Variants in ADAM28 observed in about 807,000 individuals in gnomAD.
ADAM28 encodes disintegrin and metalloproteinase domain-containing protein 28.
Under a neutral mutation model 101.2 loss-of-function variants are expected in ADAM28, and 105 were observed. The observed-to-expected ratio is 1.04, with a 90% CI of 0.89 to 1.22. The LOEUF is 1.22. ADAM28 is among the 50% of genes most tolerant of loss of function. ADAM28 has a pLI of 0.00. For missense variants in ADAM28, 1,028 were observed against 945.4 expected (o/e 1.09, Z -1.15); for synonymous variants, 322 against 310.6 (o/e 1.04, Z -0.39).
rs190280554 is a variant in ADAM28, at chr8:24,353,598, C to T, written c.2245-172C>T. On this transcript the variant is annotated intron_variant, in intron 21 of 22. Coordinates refer to ENST00000265769, the MANE Select transcript of ADAM28 (RefSeq NM_014265.6). ...CGGGCTTGGAGTGGTTAAAGTAGGA[C>T]GAATATTCATTGGTTGAGTAGTTGG... Among the ~76,000 whole-genome samples, 513 of 151,992 alleles carry T rather than the reference C, an allele frequency of 3.4e-3. 10 individuals are homozygous for T. Among genetic ancestry groups the T allele is most frequent in the Admixed American group, 0.028 (427 of 15,250 alleles).
intron 8 of ADAM28, 83 bp downstream of exon 8, chr8:24,321,372 T>A: frequency 3.4e-6 from 4 of 1,162,858 alleles, no homozygotes; most frequent in Non-Finnish European, 5.2e-6. Flanking sequence ...ACATGAAGCA[T>A]GGAAGCAAAG....
chr8:24,332,569 A>G, intron 12 of ADAM28, 91 bp from the exon 13 acceptor site: 1 of 610,196 alleles, frequency 1.6e-6, no homozygotes, highest in Non-Finnish European at 2.6e-6. Context: ...CGAAAGTAAC[A>G]TATGCCTGAT....
chr8:24,331,203 T>G lies in ADAM28; in HGVS notation c.1157T>G (p.Phe386Cys). ...SSCSRLSYDKFFEDKLSNCLF... is the reference protein window; with the variant it reads ...SSCSRLSYDKCFEDKLSNCLF... Reference sequence around the variant, plus strand: ...TGCAGCCGTCTCAGCTATGACAAGTTTTTTGAAGATAAATTATCAAATTGC... The same window carrying G: ...TGCAGCCGTCTCAGCTATGACAAGTGTTTTGAAGATAAATTATCAAATTGC... Residue 386 changes from phenylalanine to cysteine, a missense_variant, in exon 12 of 23, where the codon TTT becomes TGT. Physicochemically the swap from Phe to Cys is radical, Grantham distance 205. Transcript: ENST00000265769. 6.2e-7 allele frequency: 1 copy of G among 1,613,606 alleles called. No individual in the cohort carries two copies. The highest frequency in any genetic ancestry group is 8.5e-7 in the Non-Finnish European group (1 of 1,179,698).
intron 21 of ADAM28, among the ~76,000 whole-genome samples, chr8:24,352,973 T>A (rs1235431729): frequency 6.6e-6 from 1 of 152,162 alleles, no homozygotes. Context: ...ACCTGCTCAT[T>A]GCAAATACTG....
chr8:24,338,172 C>T (rs1243786257), intron 14 of ADAM28, among the ~76,000 whole-genome samples: 1 of 152,174 alleles, frequency 6.6e-6, no homozygotes, highest in Non-Finnish European at 1.5e-5. Context: ...TTTCAACCAG[C>T]ATTTTTTAAT....
At chr8:24,336,199 T>G in intron 14 of ADAM28, 1 of 969,334 alleles carries the variant, frequency 1.0e-6, no homozygotes, top group Non-Finnish European at 1.2e-6. Flanking sequence ...GCCAAAATTT[T>G]AGAGACCATA....
chr8:24,315,849 C>T (rs566178072), intron 6 of ADAM28, among the ~76,000 whole-genome samples: 1 of 151,858 alleles, frequency 6.6e-6, no homozygotes, highest in Non-Finnish European at 1.5e-5. Flanking sequence ...ACTGACTTAA[C>T]CTACACAAAT....
At chr8:24,337,323 A>G (rs1194034630) in intron 14 of ADAM28, among the ~76,000 whole-genome samples, 1 of 152,274 alleles carries the variant, frequency 6.6e-6, no homozygotes, top group Non-Finnish European at 1.5e-5. Flanking sequence ...GGCAAAAACC[A>G]GGAGAAAGAA....
At chr8:24,329,934 T>C (rs1342152829) in intron 10 of ADAM28, 51 bp from the exon 11 acceptor site, 4 of 1,577,390 alleles carry the variant, frequency 2.5e-6, no homozygotes, top group Non-Finnish European at 3.5e-6. Flanking sequence ...TAGAGTGATG[T>C]ATAATTTCAT....
rs1314942267 is a variant in ADAM28 at position 24,357,258 on chromosome 8, AGTT to A, written c.*2858_*2860del. On this transcript the variant is annotated 3_prime_UTR_variant, in exon 23 of 23. Coordinates refer to ENST00000265769, the MANE Select transcript of ADAM28 (RefSeq NM_014265.6). ...ATGATAATTAATATGTGTTGTTTAA[AGTT>A]GTTATGGTTTGGAGATATTTGTTAT... 2.0e-5 allele frequency: 3 copies of A among 152,202 alleles called. No homozygotes were observed. Among genetic ancestry groups the A allele is most frequent in the Non-Finnish European group, 4.4e-5 (3 of 68,044 alleles). The allele number at this position is 152,202 out of a possible 1,614,324, so 9.4% of individuals were successfully genotyped here.
chr8:24,350,456 C>T (rs1372158301), intron 19 of ADAM28, among the ~76,000 whole-genome samples: 2 of 151,972 alleles, frequency 1.3e-5, no homozygotes, highest in African/African-American at 2.4e-5. Context: ...GGATTACATG[C>T]ACATACCACC....
intron 21 of ADAM28, among the ~76,000 whole-genome samples, chr8:24,352,363 CT>C (rs1239609296): frequency 3.3e-5 from 5 of 152,182 alleles, no homozygotes; most frequent in African/African-American, 9.7e-5. Context: ...ATATTTACTT[CT>C]CACATTCTGG....
At position 24,355,764 on chromosome 8, in the gene ADAM28, G is replaced by A. The variant is rs1267472660; in HGVS notation, c.*1360G>A. The stretch of plus-strand genomic sequence containing the variant: ...TGCTGGAGTTACCTCACACTTTCTT[G>A]GTACTCCTTATTATATGAGCCATAC... On this transcript the variant is annotated 3_prime_UTR_variant, in exon 23 of 23. Coordinates refer to ENST00000265769, the MANE Select transcript of ADAM28 (RefSeq NM_014265.6). The A allele has an allele frequency of 6.6e-6, 1 of 151,994 alleles. No homozygotes were observed. Among genetic ancestry groups the A allele is most frequent in the Non-Finnish European group, 1.5e-5 (1 of 67,972 alleles). 9.4% of individuals were successfully genotyped at this position (151,994 alleles called of 1,614,324 possible). A position where few individuals can be genotyped will look rare whatever the true frequency, so the allele number is the denominator to read the frequency against.
At chr8:24,350,899 T>TAAAGA (rs1816035523) in intron 19 of ADAM28, among the ~76,000 whole-genome samples, 1 of 149,822 alleles carries the variant, frequency 6.7e-6, no homozygotes, top group Admixed American at 6.6e-5. Context: ...TTAGCACTTT[T>TAAAGA]AAAGAAAGAC....
chr8:24,334,247 G>C (rs181708582), intron 13 of ADAM28, among the ~76,000 whole-genome samples: 6 of 152,058 alleles, frequency 3.9e-5, no homozygotes, highest in Admixed American at 2.6e-4. Context: ...AGCTTTTTAC[G>C]TACAGTCTCA....
chr8:24,340,263 A>G (rs1814603777), intron 15 of ADAM28, among the ~76,000 whole-genome samples: 1 of 152,214 alleles, frequency 6.6e-6, no homozygotes, highest in Non-Finnish European at 1.5e-5. Flanking sequence ...CACAAGATCA[A>G]CATTTCCCAA....
chr8:24,352,809 G>A (rs75766900), intron 21 of ADAM28, among the ~76,000 whole-genome samples: 3,672 of 152,034 alleles, frequency 0.024, 137 homozygotes, highest in African/African-American at 0.083. Flanking sequence ...CTTTATGCAC[G>A]CCTATTTTCA....
chr8:24,298,010 T>C (rs1808204810), intron 1 of ADAM28, among the ~76,000 whole-genome samples: 1 of 152,146 alleles, frequency 6.6e-6, no homozygotes, highest in Non-Finnish European at 1.5e-5. Flanking sequence ...AGTGTGACAA[T>C]GTAATGAGGC....
At chr8:24,331,356 T>C (rs1813337074) in intron 12 of ADAM28, 29 bp downstream of exon 12, 2 of 1,566,530 alleles carry the variant, frequency 1.3e-6, no homozygotes, top group South Asian at 1.2e-5. Context: ...TAAAACGATC[T>C]AGTTGGTTTT....
Sources: allele counts gnomAD v4.1 joint callset (sites outside exome capture counted in the v4.1 genomes callset), GRCh38; gene constraint gnomAD v4.1.1; transcripts MANE v1.5; gene names NCBI Gene and HGNC (gene_info 2026-07-23, HGNC 2026-07-21).